SCUBE2: variants seen among roughly 807,000 people sequenced by gnomAD.
The protein encoded by SCUBE2 is signal peptide, CUB and EGF-like domain-containing protein 2.
A neutral mutation model predicts 125.9 loss-of-function variants in SCUBE2; 114 were observed. The observed-to-expected ratio is 0.91, with a 90% CI of 0.78 to 1.06. The LOEUF (loss-of-function observed/expected upper bound fraction) is 1.06, where lower values mean the gene tolerates loss of function less well. Ranked by LOEUF, SCUBE2 falls within the 50% of genes least tolerant of loss-of-function variation. The probability of loss-of-function intolerance (pLI) is 0.00; values close to 1 mark genes in which losing one functional copy is unlikely to be tolerated. For missense variants in SCUBE2, 1,255 were observed against 1,301.8 expected (o/e 0.96, Z 0.55); for synonymous variants, 459 against 492.9 (o/e 0.93, Z 0.91).
intron 2 of SCUBE2, among the ~76,000 whole-genome samples, chr11:9,086,936 T>C (rs932328772): frequency 2.0e-5 from 3 of 151,864 alleles, no homozygotes; most frequent in African/African-American, 7.3e-5. Context: ...CAAATTCTTC[T>C]AGGGTTTGAG....
At chr11:9,061,138 T>G (rs1319729241) in intron 7 of SCUBE2, among the ~76,000 whole-genome samples, 1 of 152,218 alleles carries the variant, frequency 6.6e-6, no homozygotes, top group African/African-American at 2.4e-5. Context: ...AGCCTTCTAG[T>G]TCTGTATCTC....
rs370784871 is a variant in SCUBE2 at position 9,065,994 on chromosome 11, A to G, written c.761-14T>C. The G allele has an allele frequency of 1.6e-5, 25 of 1,590,816 alleles. No homozygotes were observed. The African/African-American group carries it at 3.0e-4, about 19-fold the overall frequency. Reference sequence around the variant, plus strand: ...TGTCCTCTCGCTCTACAAGAGAAGCAAAAGAGCACGGTTCTCAGACTGAAT... The same window carrying G: ...TGTCCTCTCGCTCTACAAGAGAAGCGAAAGAGCACGGTTCTCAGACTGAAT... On this transcript the variant is annotated splice_polypyrimidine_tract_variant and intron_variant, in intron 6 of 22. Coordinates refer to ENST00000649792, the MANE Select transcript of SCUBE2 (RefSeq NM_001367977.2).
rs1855331639 is a variant in SCUBE2 at position 9,021,959 on chromosome 11, T to C, written c.2855-4A>G. ...TCAATGAGTTCCTGGTAGTCCTCTG[T>C]TGGAATAAAGAACATGTTTTGCATT... is the stretch of plus-strand genomic sequence containing the variant. On this transcript the variant is annotated splice_polypyrimidine_tract_variant and splice_region_variant and intron_variant, in intron 21 of 22. Coordinates refer to ENST00000649792, the MANE Select transcript of SCUBE2 (RefSeq NM_001367977.2). The C allele has an allele frequency of 6.8e-6, 11 of 1,608,476 alleles. No individual in the cohort carries two copies. The South Asian group carries it at 8.8e-5, about 13-fold the overall frequency.
At chr11:9,048,690 G>A (rs1470920300) in intron 14 of SCUBE2, among the ~76,000 whole-genome samples, 2 of 152,200 alleles carry the variant, frequency 1.3e-5, no homozygotes, top group African/African-American at 4.8e-5. Flanking sequence ...GGATGAGAGT[G>A]GAAGTGTTGC....
At chr11:9,039,950 C>T (rs1360810355) in intron 16 of SCUBE2, among the ~76,000 whole-genome samples, 2 of 152,196 alleles carry the variant, frequency 1.3e-5, no homozygotes, top group African/African-American at 2.4e-5. Flanking sequence ...GATGGATTCC[C>T]GGAAAGAACA....
chr11:9,056,240 G>A (rs146348373), intron 9 of SCUBE2, among the ~76,000 whole-genome samples: 56 of 152,294 alleles, frequency 3.7e-4, no homozygotes, highest in African/African-American at 1.2e-3. Context: ...CCTAAAAAGG[G>A]TTTTGTAAGC....
chr11:9,060,169 T>A (rs1859523646), intron 8 of SCUBE2, among the ~76,000 whole-genome samples: 1 of 152,254 alleles, frequency 6.6e-6, no homozygotes. Context: ...AATTATTTGA[T>A]GCTTGTAGAG....
intron 16 of SCUBE2, among the ~76,000 whole-genome samples, chr11:9,038,961 C>G (rs1256781670): frequency 6.6e-6 from 1 of 152,066 alleles, no homozygotes; most frequent in Non-Finnish European, 1.5e-5. Flanking sequence ...TCATGGCTCA[C>G]TGCAGACTCA....
At chr11:9,078,020 T>G (rs1304853297) in intron 3 of SCUBE2, among the ~76,000 whole-genome samples, 1 of 152,084 alleles carries the variant, frequency 6.6e-6, no homozygotes, top group Non-Finnish European at 1.5e-5. Flanking sequence ...AATGATGAAG[T>G]CTGCCATCAG....
Position 9,091,441 on chromosome 11 carries a change from C to G in SCUBE2, c.88G>C (p.Gly30Arg). The part of the protein sequence containing the change: ...LLLPPLLLLA[G>R]AVPPGRGRAA... The stretch of plus-strand genomic sequence containing the variant: ...CGGCCCCGACCCGGCGGGACGGCCC[C>G]CGCCAGCAGCAGCAGTGGCGGCAGC... The change falls in exon 1 of 23, where the codon GGG becomes CGG. Residue 30 changes from glycine (G) to arginine (R), a missense_variant. Coordinates refer to ENST00000649792, the MANE Select transcript of SCUBE2 (RefSeq NM_001367977.2). The surrounding 1 kb of genome is among the most constrained non-coding windows in gnomAD (Gnocchi z 8.5). The G allele has an allele frequency of 7.5e-7, 1 of 1,337,514 alleles. No individual in the cohort carries two copies. The highest frequency in any genetic ancestry group is 9.5e-7 in the Non-Finnish European group (1 of 1,047,438). The allele number at this position is 1,337,514 out of a possible 1,614,324, so 82.9% of individuals were successfully genotyped here.
At chr11:9,076,299 CCTT>C (rs1861210071) in intron 3 of SCUBE2, among the ~76,000 whole-genome samples, 1 of 151,944 alleles carries the variant, frequency 6.6e-6, no homozygotes, top group South Asian at 2.1e-4. Flanking sequence ...AGGGAGGAAG[CCTT>C]CTGCCACACA....
chr11:9,047,604 C>G (rs759966840), intron 15 of SCUBE2, 42 bp from the exon 16 acceptor site: 2 of 1,588,806 alleles, frequency 1.3e-6, no homozygotes, highest in Admixed American at 3.4e-5. Context: ...GGAGATCAGG[C>G]TGCAGCGTGT....
At chr11:9,065,659 T>C (rs111301491) in intron 7 of SCUBE2, among the ~76,000 whole-genome samples, 5 of 152,276 alleles carry the variant, frequency 3.3e-5, no homozygotes, top group African/African-American at 9.6e-5. Context: ...GGGGGCTGCA[T>C]TGGGACGTTA....
Position 9,033,721 on chromosome 11 carries a change from T to A in SCUBE2, c.2078A>T (p.Asn693Ile), listed in dbSNP as rs774787939. ...CILCPNGTFQ[N>I]EEGQMTCEPC... Reference sequence around the variant, plus strand: ...TTCACAAGTCATTTGTCCTTCCTCATTTTGGAAGGTTCCATTTGGACATAA... The same window carrying A: ...TTCACAAGTCATTTGTCCTTCCTCAATTTGGAAGGTTCCATTTGGACATAA... Residue 693 changes from asparagine to isoleucine, a missense_variant, in exon 17 of 23, where the codon AAT (asparagine) becomes ATT (isoleucine). Asn to Ile is a moderately radical substitution (Grantham distance 149). Around this residue, in one of 3 missense-constraint regions of SCUBE2, gnomAD observed 515 missense variants for 515.7 expected, o/e 1.00. Transcript: ENST00000649792. 6.2e-7 allele frequency: 1 copy of A among 1,614,078 alleles called. No individual in the cohort carries two copies. The highest frequency in any genetic ancestry group is 2.2e-5 in the East Asian group (1 of 44,878).
chr11:9,083,436 T>C (rs1228570664), intron 2 of SCUBE2, among the ~76,000 whole-genome samples: 1 of 152,246 alleles, frequency 6.6e-6, no homozygotes, highest in African/African-American at 2.4e-5. Flanking sequence ...CTTATAATTC[T>C]GTAAATATCT....
rs1396108136 is a variant in SCUBE2 at position 9,047,997 on chromosome 11, C to T, written c.1741G>A (p.Glu581Lys). 1 of 1,614,124 alleles carries T rather than the reference C, an allele frequency of 6.2e-7. No individual in the cohort carries two copies. The highest frequency in any genetic ancestry group is 1.7e-5 in the Admixed American group (1 of 60,008). The change falls in exon 15 of 23, where the codon GAA (glutamate) becomes AAA (lysine). Residue 581 changes from glutamate to lysine, a missense_variant. Around this residue, in one of 3 missense-constraint regions of SCUBE2, gnomAD observed 378 missense variants for 463.1 expected, o/e 0.82. Transcript: ENST00000649792. ...TCAAACTCAACAGTGATAAACATTTCCTTAGGGGTGCTTGGTCGGCCAGGG... is the reference window on the plus strand; with the variant it reads ...TCAAACTCAACAGTGATAAACATTTTCTTAGGGGTGCTTGGTCGGCCAGGG... ...GAPGRPSTPK[E>K]MFITVEFELE...
intron 9 of SCUBE2, chr11:9,057,256 G>A (rs1590085903): frequency 6.6e-6 from 1 of 152,130 alleles, no homozygotes; most frequent in Middle Eastern, 3.2e-3. Flanking sequence ...AGTATTGCCT[G>A]CTCTATACAC....
intron 10 of SCUBE2, among the ~76,000 whole-genome samples, chr11:9,054,932 C>T (rs1188123246): frequency 6.6e-6 from 1 of 151,198 alleles, no homozygotes; most frequent in Non-Finnish European, 1.5e-5. Flanking sequence ...CAGGGTTTCT[C>T]CATGTTGGTT....
At chr11:9,053,568 C>T (rs541461883) in intron 11 of SCUBE2, 69 bp downstream of exon 11, 68 of 1,577,490 alleles carry the variant, frequency 4.3e-5, no homozygotes, top group East Asian at 2.5e-4. Flanking sequence ...TGTGGGAGCA[C>T]GCAGAGCTGC....
Sources: allele counts gnomAD v4.1 joint callset (sites outside exome capture counted in the v4.1 genomes callset), GRCh38; gene constraint gnomAD v4.1.1; regional missense constraint gnomAD v4.1.1; non-coding constraint Gnocchi (gnomAD v3.1); transcripts MANE v1.5; gene names NCBI Gene and HGNC (gene_info 2026-07-23, HGNC 2026-07-21).